Variants in RUNX1 observed in about 807,000 individuals in gnomAD.
RUNX1 encodes RUNX family transcription factor 1, also known as runt-related transcription factor 1.
In RUNX1, 19 loss-of-function variants were observed where a neutral mutation model predicts 42.8. The observed-to-expected ratio is 0.44, with a 90% CI of 0.31 to 0.65. The LOEUF (loss-of-function observed/expected upper bound fraction) is 0.65, where lower values mean the gene tolerates loss of function less well. RUNX1 is among the 30% of genes least tolerant of loss of function. The pLI is 0.07. For missense variants in RUNX1, 528 were observed against 672.0 expected, an observed-to-expected ratio of 0.79 and a Z score of 2.37; for synonymous variants, 271 against 289.4, an observed-to-expected ratio of 0.94 and a Z score of 0.64.
At chr21:35,048,740 G>A (rs921353405) in intron 2 of RUNX1, 102 bp downstream of exon 2, 8 of 944,278 alleles carry the variant, frequency 8.5e-6, no homozygotes, top group African/African-American at 8.0e-5. Flanking sequence ...ACAGGGAACT[G>A]GCAGGCACCG....
rs552700251 is a variant in RUNX1, at chr21:34,967,753, G to C, written c.59-74790C>G. ...CAGGGTCTCAAATGTTTGAGTGAAA[G>C]ACTGCAGCTAGAAGACTGACAAAAC... On this transcript the variant is annotated intron_variant, in intron 2 of 8. Transcript: ENST00000675419. Among the ~76,000 whole-genome samples the C allele has an allele frequency of 2.0e-4, 31 of 152,316 alleles. 1 individual carries two copies. In the South Asian group the frequency reaches 6.2e-3, roughly 31 times the overall value.
chr21:34,920,255 T>G (rs2058343935), intron 2 of RUNX1, among the ~76,000 whole-genome samples: 1 of 152,192 alleles, frequency 6.6e-6, no homozygotes, highest in South Asian at 2.1e-4. Context: ...TTTCACTATT[T>G]TCTTATTCCA....
At chr21:34,828,826 T>C (rs190716410) in intron 7 of RUNX1, among the ~76,000 whole-genome samples, 2 of 152,350 alleles carry the variant, frequency 1.3e-5, no homozygotes, top group East Asian at 1.9e-4. Context: ...CAGCAGATGA[T>C]GGCACCTTGC....
chr21:34,941,387 G>T (rs180862091), intron 2 of RUNX1, among the ~76,000 whole-genome samples: 2 of 152,324 alleles, frequency 1.3e-5, no homozygotes, highest in African/African-American at 2.4e-5. Context: ...CTGCTGTTTT[G>T]TAAGAATAGC....
chr21:34,865,280 G>A lies in RUNX1; in HGVS notation c.509-5702C>T, dbSNP rs545993662. ...TCTGACATGAGGAGGGGTTTTGTGC[G>A]TGTGTGTGTGTGTGTGTGTGTGTGT... On this transcript the variant is annotated intron_variant, in intron 5 of 8. Coordinates refer to ENST00000675419, the MANE Select transcript of RUNX1 (RefSeq NM_001754.5). Among the ~76,000 whole-genome samples, 83 of 13,356 alleles carry A rather than the reference G, an allele frequency of 6.2e-3. 1 individual carries two copies. In the South Asian group the frequency reaches 0.095, roughly 15 times the overall value. 8.8% of individuals were successfully genotyped at this position (13,356 alleles called of 152,430 possible).
chr21:34,928,033 A>G (rs763219854), intron 2 of RUNX1, among the ~76,000 whole-genome samples: 2 of 152,218 alleles, frequency 1.3e-5, no homozygotes, highest in African/African-American at 4.8e-5. Context: ...TTCTCCAAGT[A>G]ACTTCAATAA....
chr21:34,940,233 T>C (rs1281133329), intron 2 of RUNX1, among the ~76,000 whole-genome samples: 1 of 152,146 alleles, frequency 6.6e-6, no homozygotes, highest in Non-Finnish European at 1.5e-5. Context: ...CATTAATGCT[T>C]TATGAGGAAA....
At chr21:34,930,352 T>C (rs1268634119) in intron 2 of RUNX1, among the ~76,000 whole-genome samples, 2 of 150,254 alleles carry the variant, frequency 1.3e-5, no homozygotes, top group African/African-American at 4.9e-5. Flanking sequence ...ACCTAGACTC[T>C]GGTTCTTTTA....
intron 2 of RUNX1, among the ~76,000 whole-genome samples, chr21:34,977,803 A>T (rs1197561221): frequency 6.6e-6 from 1 of 152,210 alleles, no homozygotes; most frequent in Non-Finnish European, 1.5e-5. Flanking sequence ...TTCTTCCAAC[A>T]TCCTTCTAGT....
intron 2 of RUNX1, among the ~76,000 whole-genome samples, chr21:34,934,450 G>T (rs1357265591): frequency 6.6e-6 from 1 of 152,084 alleles, no homozygotes; most frequent in African/African-American, 2.4e-5. Context: ...CAACAAAGGG[G>T]AGCAGAATCC....
At chr21:34,961,887 A>AT (rs1223963475) in intron 2 of RUNX1, among the ~76,000 whole-genome samples, 1 of 151,134 alleles carries the variant, frequency 6.6e-6, no homozygotes, top group Non-Finnish European at 1.5e-5. Context: ...TTTTAGTGGA[A>AT]TTTTTTTTTC....
chr21:34,889,595 TCTCCCCTCCGG>T (rs1569087507), intron 3 of RUNX1: 3 of 937,680 alleles, frequency 3.2e-6, no homozygotes, highest in African/African-American at 1.8e-5. Flanking sequence ...GGGCCCCGCG[TCTCCCCTCCGG>T]CTCCCCGGAA....
chr21:34,838,289 G>A (rs1601423090), intron 6 of RUNX1, among the ~76,000 whole-genome samples: 4 of 152,132 alleles, frequency 2.6e-5, no homozygotes, highest in Admixed American at 1.3e-4. Flanking sequence ...AATTGCCACC[G>A]TTTCTTGGAA....
chr21:34,872,500 A>C (rs2057754140), intron 5 of RUNX1, among the ~76,000 whole-genome samples: 1 of 152,240 alleles, frequency 6.6e-6, no homozygotes, highest in African/African-American at 2.4e-5. Flanking sequence ...CTTTAAAAAA[A>C]ACTTTTAATA....
At chr21:34,824,488 G>C (rs186597086) in intron 7 of RUNX1, among the ~76,000 whole-genome samples, 1 of 152,122 alleles carries the variant, frequency 6.6e-6, no homozygotes, top group African/African-American at 2.4e-5. Context: ...AAAGAAACTG[G>C]GTTTGTCAGT....
chr21:34,995,601 C>T (rs978615799), intron 2 of RUNX1, among the ~76,000 whole-genome samples: 10 of 152,020 alleles, frequency 6.6e-5, no homozygotes, highest in African/African-American at 2.2e-4. Flanking sequence ...CTACCATGCT[C>T]AGCTAATTTT....
At chr21:34,794,241 T>A (rs895529497) in intron 8 of RUNX1, among the ~76,000 whole-genome samples, 1 of 152,160 alleles carries the variant, frequency 6.6e-6, no homozygotes, top group Admixed American at 6.5e-5. Context: ...TTAGGTTGAA[T>A]GATAGAAAAT....
At chr21:35,008,457 G>A (rs1263558912) in intron 2 of RUNX1, among the ~76,000 whole-genome samples, 3 of 152,202 alleles carry the variant, frequency 2.0e-5, no homozygotes, top group Non-Finnish European at 1.5e-5. Context: ...AACCTAACAC[G>A]TCTTTGGAAG....
rs575775490 is a variant in RUNX1, at chr21:34,879,521, G to A, written c.508+1036C>T. On this transcript the variant is annotated intron_variant, in intron 5 of 8. Transcript: ENST00000675419. Reference sequence around the variant, plus strand: ...TTGTTTTTAAATGCCTTTTTAAAGAGTAATAATTTCTCTTATTTTAAATGT... The same window carrying A: ...TTGTTTTTAAATGCCTTTTTAAAGAATAATAATTTCTCTTATTTTAAATGT... Among the ~76,000 whole-genome samples the A allele has an allele frequency of 1.1e-3, 174 of 152,088 alleles. 2 individuals carry two copies. The highest frequency in any genetic ancestry group is 1.6e-3 in the Non-Finnish European group (110 of 67,970).
Sources: allele counts gnomAD v4.1 joint callset (sites outside exome capture counted in the v4.1 genomes callset), GRCh38; gene constraint gnomAD v4.1.1; transcripts MANE v1.5; gene names NCBI Gene and HGNC (gene_info 2026-07-23, HGNC 2026-07-21).